Variants in DNHD1 observed in about 807,000 individuals in gnomAD.
DNHD1 encodes the protein dynein heavy chain domain-containing protein 1.
DNHD1 carries 383 observed loss-of-function variants against 458.1 expected under a neutral mutation model. That is an observed-to-expected ratio of 0.84 (90% CI 0.77 to 0.91). The LOEUF is 0.91. Ranked by LOEUF, DNHD1 falls within the 40% of genes least tolerant of loss-of-function variation. DNHD1 has a pLI of 0.00. For missense variants in DNHD1, 5,336 were observed against 5,866.1 expected (o/e 0.91, Z 2.95); for synonymous variants, 2,203 against 2,376.9 (o/e 0.93, Z 2.13).
chr11:6,558,893 C>G lies in DNHD1; in HGVS notation c.9212-9C>G. ...TCACAGAGTGAGGCTAAAGCCATGC[C>G]CATTGCAGGCTCCTGGAAGTACCCA... On this transcript the variant is annotated splice_polypyrimidine_tract_variant and intron_variant, in intron 26 of 42. Coordinates refer to ENST00000254579, the MANE Select transcript of DNHD1 (RefSeq NM_144666.3). The G allele has an allele frequency of 1.9e-6, 3 of 1,551,606 alleles. No homozygotes were observed. The highest frequency in any genetic ancestry group is 2.6e-6 in the Non-Finnish European group (3 of 1,146,916).
Position 6,534,039 on chromosome 11 carries a change from C to T in DNHD1, c.2864C>T (p.Ala955Val), listed in dbSNP as rs1487805441. The T allele has an allele frequency of 3.9e-6, 6 of 1,551,424 alleles. No homozygotes were observed. Among genetic ancestry groups the T allele is most frequent in the South Asian group, 2.4e-5 (2 of 84,050 alleles). Residue 955 changes from alanine (A) to valine (V), a missense_variant, in exon 14 of 43, where the codon GCC (alanine) becomes GTC (valine). Transcript: ENST00000254579. ...GAGCTGGAAGGCCTGCTTGCGAAGGCCCTCTCCGGTCCCTTTATGGACCCC... is the reference window on the plus strand; with the variant it reads ...GAGCTGGAAGGCCTGCTTGCGAAGGTCCTCTCCGGTCCCTTTATGGACCCC... Reference protein sequence around the residue: ...LAELEGLLAKALSGPFMDPTQ... With the variant: ...LAELEGLLAKVLSGPFMDPTQ...
chr11:6,544,795 TCTC>T lies in DNHD1; in HGVS notation c.3857_3859del (p.Ser1286_Arg1287delinsCys). 6.5e-7 allele frequency: 1 copy of T among 1,550,308 alleles called. No individual in the cohort carries two copies. Among genetic ancestry groups the T allele is most frequent in the Middle Eastern group, 1.7e-4 (1 of 5,988 alleles). Reference sequence around the variant, plus strand: ...TTTATCCTCTCCCTCACCACAGAACTCTCGTTTCAAGGTCATGGATGACCAGTA... The same window carrying T: ...TTTATCCTCTCCCTCACCACAGAACTGTTTCAAGGTCATGGATGACCAGTA... On this transcript the variant is annotated inframe_deletion, in exon 21 of 43. Transcript: ENST00000254579.
Position 6,570,070 on chromosome 11 carries a change from A to T in DNHD1, c.12925A>T (p.Asn4309Tyr), listed in dbSNP as rs768010397. The part of the protein sequence containing the change: ...TQDQLWASLS[N>Y]PRAAMQELAA... ...AGACCAGCTGTGGGCAAGTCTTAGC[A>T]ATCCCCGTGCTGCCATGCAAGAGCT... The change falls in exon 40 of 43, where the codon AAT becomes TAT. Residue 4309 changes from asparagine to tyrosine, a missense_variant. Physicochemically the swap from Asn to Tyr is moderately radical, Grantham distance 143 (BLOSUM62 -2). Transcript: ENST00000254579. The T allele has an allele frequency of 6.2e-7, 1 of 1,613,924 alleles. No homozygotes were observed. The highest frequency in any genetic ancestry group is 8.5e-7 in the Non-Finnish European group (1 of 1,179,862).
Position 6,548,268 on chromosome 11 carries a change from C to T in DNHD1, c.6964C>T (p.Pro2322Ser), listed in dbSNP as rs557305686. ...RDSISRLSNY[P>S]EPPPSALVFD... Reference sequence around the variant, plus strand: ...TTCTATTAGTCGCCTCTCCAACTACCCTGAGCCACCACCCTCAGCCTTGGT... The same window carrying T: ...TTCTATTAGTCGCCTCTCCAACTACTCTGAGCCACCACCCTCAGCCTTGGT... The change falls in exon 23 of 43, where the codon CCT becomes TCT. Residue 2322 changes from proline to serine, a missense_variant. Physicochemically the swap from Pro to Ser is moderately conservative, Grantham distance 74 (BLOSUM62 -1). Transcript: ENST00000254579. This position sits in a 1 kb window ranked among gnomAD's most constrained non-coding sequence, Gnocchi z 4.4. 1.7e-5 allele frequency: 27 copies of T among 1,551,662 alleles called. No homozygotes were observed. In the Admixed American group the frequency reaches 3.3e-4, roughly 19 times the overall value.
chr11:6,525,224 C>A (rs1034957358), intron 10 of DNHD1, among the ~76,000 whole-genome samples: 1 of 152,164 alleles, frequency 6.6e-6, no homozygotes, highest in African/African-American at 2.4e-5. Context: ...GAAAAGGAAT[C>A]TTTTCCGGAA....
chr11:6,533,454 G>T (rs1271804589), intron 13 of DNHD1, among the ~76,000 whole-genome samples: 1 of 152,214 alleles, frequency 6.6e-6, no homozygotes, highest in Non-Finnish European at 1.5e-5. Flanking sequence ...AAGGTAATGG[G>T]GTGGTGGGTG....
rs1245492559 is a variant in DNHD1, at chr11:6,556,887, C to T, written c.7592C>T (p.Thr2531Ile). ...ACAGTCCTGGCCCTGGAAAGCATGA[C>T]CCAGGCCACCCTGCTGGAAAGACAT... ...LFTVLALESM[T>I]QATLLERHVP... The change falls in exon 25 of 43, where the codon ACC (threonine) becomes ATC (isoleucine). Residue 2531 changes from threonine (T) to isoleucine (I), a missense_variant. Physicochemically the swap from Thr to Ile is moderately conservative, Grantham distance 89. Around this residue, in one of 4 missense-constraint regions of DNHD1, gnomAD observed 3,932 missense variants for 4,365.6 expected, o/e 0.90. Transcript: ENST00000254579. 3.2e-6 allele frequency: 5 copies of T among 1,551,612 alleles called. No homozygotes were observed. In the African/African-American group the frequency reaches 6.8e-5, roughly 21 times the overall value.
rs555325756 is a variant in DNHD1 at position 6,531,434 on chromosome 11, A to G, written c.2348-1593A>G. 2.6e-5 allele frequency among the ~76,000 whole-genome samples: 4 copies of G among 152,262 alleles called. No individual in the cohort carries two copies. In the East Asian group the frequency reaches 5.8e-4, roughly 22 times the overall value. On this transcript the variant is annotated intron_variant, in intron 12 of 42. Transcript: ENST00000254579. Reference sequence around the variant, plus strand: ...CCCAAGGAGTCCTGGTATTTTATCAATGCATTGCTCCTTTATACCATACGG... The same window carrying G: ...CCCAAGGAGTCCTGGTATTTTATCAGTGCATTGCTCCTTTATACCATACGG...
At chr11:6,558,339 C>A in intron 25 of DNHD1, 42 bp downstream of exon 25, 2 of 1,538,674 alleles carry the variant, frequency 1.3e-6, no homozygotes, top group Non-Finnish European at 1.8e-6. Flanking sequence ...TCTGCTCTTA[C>A]GCTGTCTTGG....
chr11:6,524,584 T>G (rs1370059925), intron 10 of DNHD1, among the ~76,000 whole-genome samples: 1 of 152,260 alleles, frequency 6.6e-6, no homozygotes, highest in Admixed American at 6.5e-5. Context: ...TTGATTCAGC[T>G]TCTCCTGTAG....
At position 6,567,696 on chromosome 11, in the gene DNHD1, C is replaced by T; in HGVS notation, c.12187C>T (p.Leu4063Phe). ...TGCCCTGGCAGACTTCACCACTAGC[C>T]TCCTGGGTCGGCCCCTGGATGAAAA... ...AGALADFTTSLLGRPLDENTY... is the reference protein window; with the variant it reads ...AGALADFTTSFLGRPLDENTY... Residue 4063 changes from leucine to phenylalanine, a missense_variant, in exon 36 of 43, where the codon CTC becomes TTC. Leu to Phe is a conservative substitution (Grantham distance 22). Around this residue, in one of 4 missense-constraint regions of DNHD1, gnomAD observed 695 missense variants for 804.2 expected, o/e 0.86. Transcript: ENST00000254579. 1 of 1,613,926 alleles carries T rather than the reference C, an allele frequency of 6.2e-7. No homozygotes were observed. The highest frequency in any genetic ancestry group is 8.5e-7 in the Non-Finnish European group (1 of 1,179,900).
At chr11:6,506,512 A>T (rs948700926) in intron 4 of DNHD1, among the ~76,000 whole-genome samples, 14 of 150,212 alleles carry the variant, frequency 9.3e-5, no homozygotes, top group Admixed American at 6.6e-4. Flanking sequence ...CATCAATAGA[A>T]CTCTTTCACT....
chr11:6,540,361 A>G (rs1043010193), intron 18 of DNHD1, among the ~76,000 whole-genome samples: 8 of 151,824 alleles, frequency 5.3e-5, no homozygotes, highest in Non-Finnish European at 1.0e-4. Context: ...AATTCCTCAT[A>G]GTCAGTTATC....
At chr11:6,508,845 CA>C in intron 4 of DNHD1, 34 bp from the exon 5 acceptor site, 1 of 1,608,500 alleles carries the variant, frequency 6.2e-7, no homozygotes, top group Non-Finnish European at 8.5e-7. Flanking sequence ...ACCACGTTCC[CA>C]GGGCCTTCAC....
chr11:6,504,367 G>T (rs1852189748), intron 4 of DNHD1, among the ~76,000 whole-genome samples: 2 of 152,230 alleles, frequency 1.3e-5, no homozygotes, highest in African/African-American at 4.8e-5. Context: ...CAAGATAAGA[G>T]GGGAAGGGAC....
chr11:6,524,920 TTTG>T (rs1453874815), intron 10 of DNHD1, among the ~76,000 whole-genome samples: 1 of 151,802 alleles, frequency 6.6e-6, no homozygotes, highest in Non-Finnish European at 1.5e-5. Context: ...GCTTCCAGAG[TTTG>T]TTCTGTGGCT....
chr11:6,499,031 G>A (rs1378510394), intron 3 of DNHD1, 70 bp downstream of exon 3: 25 of 1,493,238 alleles, frequency 1.7e-5, no homozygotes, highest in Non-Finnish European at 2.0e-5. Flanking sequence ...TGCCTCTGGG[G>A]TCACTTGGAA....
chr11:6,538,952 C>A (rs2134419927), intron 16 of DNHD1, 142 bp downstream of exon 16: 6 of 1,035,872 alleles, frequency 5.8e-6, no homozygotes, highest in South Asian at 5.3e-5. Flanking sequence ...ATTTCAATTT[C>A]TTTTCCTTAA....
chr11:6,541,718 A>G (rs576076458), intron 18 of DNHD1, among the ~76,000 whole-genome samples: 2 of 152,352 alleles, frequency 1.3e-5, no homozygotes, highest in East Asian at 3.9e-4. Context: ...GGGTAGTAAC[A>G]TAATTAGATT....
Sources: allele counts gnomAD v4.1 joint callset (sites outside exome capture counted in the v4.1 genomes callset), GRCh38; gene constraint gnomAD v4.1.1; regional missense constraint gnomAD v4.1.1; non-coding constraint Gnocchi (gnomAD v3.1); transcripts MANE v1.5; gene names NCBI Gene and HGNC (gene_info 2026-07-23, HGNC 2026-07-21).